SPTBN1: variants seen among roughly 807,000 people sequenced by gnomAD.
SPTBN1 encodes spectrin beta chain, non-erythrocytic 1.
In SPTBN1, 32 loss-of-function variants were observed where a neutral mutation model predicts 266.4. The ratio of observed to expected loss-of-function variants is 0.12; its 90% CI spans 0.09 to 0.16. The LOEUF (loss-of-function observed/expected upper bound fraction) is 0.16, where lower values mean the gene tolerates loss of function less well. Ranked by LOEUF, SPTBN1 falls within the 10% of genes least tolerant of loss-of-function variation. The pLI is 1.00. For synonymous variants in SPTBN1, 1,336 were observed against 1,162.2 expected, an observed-to-expected ratio of 1.15 and a Z score of -3.04; for missense variants, 2,296 against 3,067.1, an observed-to-expected ratio of 0.75 and a Z score of 5.94.
At chr2:54,571,374 G>A (rs1177516248) in intron 2 of SPTBN1, among the ~76,000 whole-genome samples, 1 of 152,054 alleles carries the variant, frequency 6.6e-6, no homozygotes, top group Non-Finnish European at 1.5e-5. Context: ...AGCCTAATTA[G>A]GTATGTTATA....
At chr2:54,564,280 CA>C (rs1673523962) in intron 2 of SPTBN1, among the ~76,000 whole-genome samples, 3 of 152,146 alleles carry the variant, frequency 2.0e-5, no homozygotes, top group Non-Finnish European at 4.4e-5. Flanking sequence ...GAAAAGATAG[CA>C]CTTTTCTTAG....
At chr2:54,607,715 A>G (rs1676941127) in intron 3 of SPTBN1, among the ~76,000 whole-genome samples, 1 of 152,198 alleles carries the variant, frequency 6.6e-6, no homozygotes, top group Non-Finnish European at 1.5e-5. Flanking sequence ...TTGAGCATTT[A>G]TGGATTTTGG....
intron 2 of SPTBN1, among the ~76,000 whole-genome samples, chr2:54,534,449 G>A (rs1195451089): frequency 6.6e-6 from 1 of 152,186 alleles, no homozygotes; most frequent in Non-Finnish European, 1.5e-5. Context: ...GAATCTGAAA[G>A]AGCATTTTAT....
chr2:54,567,472 C>A (rs1479688497), intron 2 of SPTBN1, among the ~76,000 whole-genome samples: 1 of 151,294 alleles, frequency 6.6e-6, no homozygotes, highest in Non-Finnish European at 1.5e-5. Context: ...TCCCAAGTAG[C>A]TGGGACTACA....
chr2:54,621,593 T>A (rs1321309508), intron 8 of SPTBN1, 81 bp downstream of exon 8: 1 of 1,146,928 alleles, frequency 8.7e-7, no homozygotes, highest in Non-Finnish European at 1.3e-6. Flanking sequence ...CTCATAAAAT[T>A]TGCCAATAGC....
intron 17 of SPTBN1, among the ~76,000 whole-genome samples, chr2:54,636,530 G>A (rs1679153651): frequency 6.6e-6 from 1 of 152,160 alleles, no homozygotes; most frequent in South Asian, 2.1e-4. Context: ...TGTGGTGCAT[G>A]CATCTCTACT....
intron 2 of SPTBN1, among the ~76,000 whole-genome samples, chr2:54,563,926 C>A (rs180775026): frequency 6.6e-4 from 100 of 152,194 alleles, no homozygotes; most frequent in East Asian, 1.2e-3. Flanking sequence ...AGAAATAGAT[C>A]GTTGGATTAT....
In SPTBN1 at chr2:54,664,650, G is replaced by A; in HGVS notation, c.6618G>A (p.Arg2206=). 1 of 1,614,158 alleles carries A rather than the reference G, an allele frequency of 6.2e-7. No individual in the cohort carries two copies. The highest frequency in any genetic ancestry group is 8.5e-7 in the Non-Finnish European group (1 of 1,180,036). The change falls in exon 33 of 36, where the codon CGG becomes CGA. Residue 2206 remains arginine (R), a synonymous_variant. Transcript: ENST00000356805. This position sits in a 1 kb window ranked among gnomAD's most constrained non-coding sequence, Gnocchi z 5.6. ...PSAQMEGFLN[R]KHEWEAHNKK... ...CCCAGATGGAAGGCTTCCTCAATCG[G>A]AAACACGAGTGGGAGGCCCACAATA...
chr2:54,526,694 T>C, intron 2 of SPTBN1, 128 bp downstream of exon 2: 1 of 1,189,390 alleles, frequency 8.4e-7, no homozygotes, highest in Non-Finnish European at 1.1e-6. Context: ...AAATGTGTCC[T>C]TGAGAGCCAG....
chr2:54,549,039 G>A (rs992092793), intron 2 of SPTBN1, among the ~76,000 whole-genome samples: 21 of 152,264 alleles, frequency 1.4e-4, no homozygotes, highest in Non-Finnish European at 2.8e-4. Flanking sequence ...GGTGGCTCAC[G>A]CCTGTAATCC....
At position 54,632,675 on chromosome 2, in the gene SPTBN1, T is replaced by A; in HGVS notation, c.3674T>A (p.Ile1225Asn). 6.2e-7 allele frequency: 1 copy of A among 1,614,126 alleles called. No individual in the cohort carries two copies. The highest frequency in any genetic ancestry group is 8.5e-7 in the Non-Finnish European group (1 of 1,180,030). Residue 1225 changes from isoleucine to asparagine, a missense_variant, in exon 17 of 36, where the codon ATC becomes AAC. Around this residue, in one of 12 missense-constraint regions of SPTBN1, gnomAD observed 386 missense variants for 486.1 expected, o/e 0.79. Coordinates refer to ENST00000356805, the MANE Select transcript of SPTBN1 (RefSeq NM_003128.3). Reference protein sequence around the residue: ...MTTMDANEEKINAVVETGRRL... With the variant: ...MTTMDANEEKNNAVVETGRRL... The stretch of plus-strand genomic sequence containing the variant: ...ACCATGGACGCCAATGAGGAGAAGA[T>A]CAATGCTGTGGTGGAGACTGGCCGG...
chr2:54,566,945 G>A (rs1320939690), intron 2 of SPTBN1, among the ~76,000 whole-genome samples: 1 of 152,196 alleles, frequency 6.6e-6, no homozygotes, highest in African/African-American at 2.4e-5. Flanking sequence ...AAGGATCCTA[G>A]GAAATAAAAC....
intron 2 of SPTBN1, among the ~76,000 whole-genome samples, chr2:54,536,659 A>T (rs577140878): frequency 6.6e-6 from 1 of 152,326 alleles, no homozygotes; most frequent in African/African-American, 2.4e-5. Context: ...ATTTTTGGTT[A>T]GGTCCTTCTG....
Position 54,643,047 on chromosome 2 carries a change from A to G in SPTBN1, c.3923A>G (p.Asn1308Ser), listed in dbSNP as rs1393785368. 2 of 1,614,164 alleles carry G rather than the reference A, an allele frequency of 1.2e-6. No individual in the cohort carries two copies. Among genetic ancestry groups the G allele is most frequent in the African/African-American group, 1.3e-5 (1 of 75,054 alleles). ...GACATGTCTTACGATGAAGCCAGAA[A>G]TCTGCACAGTAAATGGTTGAAGCAT... ...AQDMSYDEAR[N>S]LHSKWLKHQA... is the part of the protein sequence containing the mutation. The change falls in exon 19 of 36, where the codon AAT (asparagine) becomes AGT (serine). Residue 1308 changes from asparagine (N) to serine (S), a missense_variant. Asn to Ser is a conservative substitution (Grantham distance 46). Around this residue, in one of 12 missense-constraint regions of SPTBN1, gnomAD observed 386 missense variants for 486.1 expected, o/e 0.79. Transcript: ENST00000356805.
intron 12 of SPTBN1, among the ~76,000 whole-genome samples, chr2:54,627,315 C>CAGTT (rs758976695): frequency 5.1e-4 from 77 of 152,172 alleles, no homozygotes; most frequent in Non-Finnish European, 1.2e-4. Context: ...CATTGTAACT[C>CAGTT]AGTTGGTCCA....
intron 2 of SPTBN1, among the ~76,000 whole-genome samples, chr2:54,576,240 G>C (rs568529590): frequency 6.6e-6 from 1 of 151,920 alleles, no homozygotes; most frequent in East Asian, 1.9e-4. Flanking sequence ...TTTTAGTAGA[G>C]ACAGGGTTTT....
chr2:54,597,866 CTTTTTTTTT>C (rs531763576), intron 2 of SPTBN1, among the ~76,000 whole-genome samples: 3 of 82,190 alleles, frequency 3.7e-5, no homozygotes, highest in African/African-American at 1.3e-4. Flanking sequence ...GAGCTATCTG[CTTTTTTTTT>C]TTTTTTTTTT....
chr2:54,563,272 A>G (rs2104482879), intron 2 of SPTBN1, among the ~76,000 whole-genome samples: 1 of 152,280 alleles, frequency 6.6e-6, no homozygotes, highest in South Asian at 2.1e-4. Flanking sequence ...TGTAATGTAG[A>G]CAGGATCTAG....
At chr2:54,568,901 T>G (rs1673856744) in intron 2 of SPTBN1, among the ~76,000 whole-genome samples, 1 of 152,254 alleles carries the variant, frequency 6.6e-6, no homozygotes, top group Non-Finnish European at 1.5e-5. Context: ...TTCATCTTAG[T>G]AGAATGATCC....
Sources: gnomAD v4.1 joint callset for allele counts (sites outside exome capture counted in the v4.1 genomes callset) on GRCh38, gnomAD v4.1.1 for gene constraint, gnomAD v4.1.1 regional missense constraint, Gnocchi (gnomAD v3.1) non-coding constraint, MANE v1.5 for transcripts, NCBI Gene and HGNC (gene_info 2026-07-23, HGNC 2026-07-21) for gene names.